Variants in KDSR observed in about 807,000 individuals in gnomAD.
KDSR encodes 3-ketodihydrosphingosine reductase, also known as 3-dehydrosphinganine reductase.
KDSR carries 23 observed loss-of-function variants against 41.3 expected under a neutral mutation model. The ratio of observed to expected loss-of-function variants is 0.56; its 90% CI spans 0.40 to 0.79. KDSR has a LOEUF of 0.79. Among genes scored for constraint, KDSR ranks in the 30% least tolerant of loss-of-function variants. KDSR has a pLI of 0.00. For synonymous variants in KDSR, 138 were observed against 151.7 expected, an observed-to-expected ratio of 0.91 and a Z score of 0.66; for missense variants, 351 against 416.8, an observed-to-expected ratio of 0.84 and a Z score of 1.37.
At chr18:63,333,709 T>C (rs945061395) in intron 9 of KDSR, among the ~76,000 whole-genome samples, 3 of 152,148 alleles carry the variant, frequency 2.0e-5, no homozygotes, top group Admixed American at 2.0e-4. Flanking sequence ...TATTTTAAAA[T>C]CTTAAACACA....
chr18:63,358,742 G>A (rs1914872864), intron 3 of KDSR, among the ~76,000 whole-genome samples: 1 of 148,394 alleles, frequency 6.7e-6, no homozygotes, highest in South Asian at 2.2e-4. Context: ...TTGAACCCGA[G>A]AGGTGGAGGT....
intron 9 of KDSR, among the ~76,000 whole-genome samples, chr18:63,333,549 C>G (rs1914074419): frequency 1.3e-5 from 2 of 152,132 alleles, no homozygotes; most frequent in African/African-American, 4.8e-5. Context: ...ATAGTGGTTG[C>G]AGGGACTGTG....
intron 5 of KDSR, among the ~76,000 whole-genome samples, chr18:63,352,403 CTCCTGGG>C (rs1198603825): frequency 6.6e-6 from 1 of 152,142 alleles, no homozygotes; most frequent in Admixed American, 6.5e-5. Flanking sequence ...TAACCTCTGC[CTCCTGGG>C]TTCAAGCGAT....
chr18:63,340,964 C>T (rs905365099), intron 7 of KDSR, among the ~76,000 whole-genome samples: 58 of 152,300 alleles, frequency 3.8e-4, no homozygotes, highest in African/African-American at 1.4e-3. Context: ...AGACATGATT[C>T]CTCAGTAGGG....
At chr18:63,352,085 G>A (rs945947386) in intron 5 of KDSR, among the ~76,000 whole-genome samples, 1 of 151,970 alleles carries the variant, frequency 6.6e-6, no homozygotes, top group African/African-American at 2.4e-5. Context: ...CGCCTAGCCT[G>A]AGCTCTTAAA....
chr18:63,363,092 A>G (rs1262726656), intron 1 of KDSR, among the ~76,000 whole-genome samples: 1 of 152,164 alleles, frequency 6.6e-6, no homozygotes, highest in Non-Finnish European at 1.5e-5. Flanking sequence ...GGAACCATAA[A>G]TTGCACACCT....
intron 1 of KDSR, among the ~76,000 whole-genome samples, chr18:63,364,645 T>A (rs1196471417): frequency 1.3e-5 from 2 of 152,120 alleles, no homozygotes; most frequent in African/African-American, 4.8e-5. Context: ...GGTTTCACCA[T>A]GTTGGCCAGG....
Position 63,349,929 on chromosome 18 carries a change from T to C in KDSR, c.609+959A>G, listed in dbSNP as rs2144364747. ...AGCCTTTAAAACCTAACATATATAC[T>C]GTCTGCCCTTTGGTGAAAGTTCTGT... is the stretch of plus-strand genomic sequence containing the variant. On this transcript the variant is annotated intron_variant, in intron 6 of 9. Coordinates refer to ENST00000645214, the MANE Select transcript of KDSR (RefSeq NM_002035.4). 2.0e-5 allele frequency among the ~76,000 whole-genome samples: 3 copies of C among 152,382 alleles called. 1 individual carries two copies. In the Middle Eastern group the frequency reaches 0.01, roughly 518 times the overall value.
rs1453739973 is a variant in KDSR at position 63,350,885 on chromosome 18, T to C, written c.609+3A>G. 4 of 1,605,130 alleles carry C rather than the reference T, an allele frequency of 2.5e-6. No individual in the cohort carries two copies. The highest frequency in any genetic ancestry group is 3.4e-6 in the Non-Finnish European group (4 of 1,173,766). ...TAAATACAAAAATGAATACAACTTT[T>C]ACCTCCATCTGCAAAGCTTCTGCCA... On this transcript the variant is annotated splice_donor_region_variant and intron_variant, in intron 6 of 9. Coordinates refer to ENST00000645214, the MANE Select transcript of KDSR (RefSeq NM_002035.4).
At position 63,335,373 on chromosome 18, in the gene KDSR, A is replaced by G; in HGVS notation, c.778-15T>C. ...AAATTTCCTTGCTAAAAGAGAAGAA[A>G]AAGAAGAGAAAGAGGGAATCCTAGT... On this transcript the variant is annotated splice_polypyrimidine_tract_variant and intron_variant, in intron 8 of 9. Transcript: ENST00000645214. 3.9e-6 allele frequency: 6 copies of G among 1,547,488 alleles called. No homozygotes were observed. The highest frequency in any genetic ancestry group is 5.4e-6 in the Non-Finnish European group (6 of 1,119,680).
chr18:63,358,644 T>C (rs560030344), intron 3 of KDSR, among the ~76,000 whole-genome samples: 1 of 151,436 alleles, frequency 6.6e-6, no homozygotes, highest in South Asian at 2.1e-4. Context: ...AAACCCTGTC[T>C]CTACTAAAAA....
intron 6 of KDSR, among the ~76,000 whole-genome samples, chr18:63,348,277 C>T (rs1914571204): frequency 2.0e-5 from 3 of 151,250 alleles, no homozygotes; most frequent in Admixed American, 6.6e-5. Context: ...CCACTGCACT[C>T]CAGCCTCGGC....
At position 63,331,219 on chromosome 18, in the gene KDSR, A is replaced by T. The variant is rs1182464958; in HGVS notation, c.*563T>A. ...AGGGCTGTCAGTGACATTCAGACTC[A>T]CTGGCAATGGGTCCAACTCATCTTG... On this transcript the variant is annotated 3_prime_UTR_variant, in exon 10 of 10. Coordinates refer to ENST00000645214, the MANE Select transcript of KDSR (RefSeq NM_002035.4). The T allele has an allele frequency of 4.3e-6, 1 of 232,786 alleles. No homozygotes were observed. Among genetic ancestry groups the T allele is most frequent in the Non-Finnish European group, 8.5e-6 (1 of 117,890 alleles). 14.4% of individuals were successfully genotyped at this position (232,786 alleles called of 1,614,324 possible).
chr18:63,366,835 G>C (rs1234437886), intron 1 of KDSR, among the ~76,000 whole-genome samples, 176 bp downstream of exon 1: 1 of 152,208 alleles, frequency 6.6e-6, no homozygotes, highest in Non-Finnish European at 1.5e-5. Flanking sequence ...CCGCGAGGCC[G>C]GGTGCCGGGG....
At chr18:63,346,676 T>C (rs938487527) in intron 6 of KDSR, 23 of 152,192 alleles carry the variant, frequency 1.5e-4, no homozygotes, top group African/African-American at 5.1e-4. Flanking sequence ...TAGATTGGTA[T>C]TCTCGCTATG....
In KDSR at chr18:63,338,447, G is replaced by A. The variant is rs561261361; in HGVS notation, c.777+353C>T. On this transcript the variant is annotated intron_variant, in intron 8 of 9. Transcript: ENST00000645214. ...CTAACTTTTGGGAAAATGATACTGG[G>A]AAGCAGGAATGGGAGAGAAAGCAGC... Among the ~76,000 whole-genome samples the A allele has an allele frequency of 1.6e-4, 24 of 152,346 alleles. No homozygotes were observed. In the South Asian group the frequency reaches 4.8e-3, roughly 30 times the overall value.
intron 4 of KDSR, 36 bp from the exon 5 acceptor site, chr18:63,355,335 G>A (rs1303082804): frequency 1.9e-6 from 3 of 1,606,418 alleles, no homozygotes; most frequent in South Asian, 1.1e-5. Context: ...TTAAGAAACA[G>A]AGAAGAAAAA....
rs1330318239 is a variant in KDSR, at chr18:63,344,395, A to G, written c.693+15T>C. 2 of 1,584,050 alleles carry G rather than the reference A, an allele frequency of 1.3e-6. No homozygotes were observed. The highest frequency in any genetic ancestry group is 1.1e-5 in the South Asian group (1 of 90,464). ...AAACATTAGAGGTTCAAATTGGGAC[A>G]TGTAGGATACTGACCTTTGTTCTGT... is the stretch of plus-strand genomic sequence containing the variant. On this transcript the variant is annotated intron_variant, in intron 7 of 9. Coordinates refer to ENST00000645214, the MANE Select transcript of KDSR (RefSeq NM_002035.4).
At chr18:63,339,104 C>T (rs1468734100) in intron 7 of KDSR, among the ~76,000 whole-genome samples, 1 of 152,232 alleles carries the variant, frequency 6.6e-6, no homozygotes, top group Non-Finnish European at 1.5e-5. Flanking sequence ...AGGCCTTTGC[C>T]ATTCTCTTAG....
Sources: allele counts gnomAD v4.1 joint callset (sites outside exome capture counted in the v4.1 genomes callset), GRCh38; gene constraint gnomAD v4.1.1; transcripts MANE v1.5; gene names NCBI Gene and HGNC (gene_info 2026-07-23, HGNC 2026-07-21).